Variants in DRC2 observed in about 807,000 individuals in gnomAD.
DRC2 encodes dynein regulatory complex subunit 2.
chr12:48,904,297 C>A, the DRC2 span: 1 of 1,594,534 alleles, frequency 6.3e-7, no homozygotes, highest in Admixed American at 1.8e-5. Context: ...CGGGCCGAGG[C>A]AGACCGAGGC....
At chr12:48,914,369 T>G in the DRC2 span, 38 of 1,551,922 alleles carry the variant, frequency 2.4e-5, no homozygotes, top group Non-Finnish European at 3.2e-5. Context: ...GAGATGCTAT[T>G]CAGCTGGAAT....
At chr12:48,906,065 C>T in the DRC2 span, among the ~76,000 whole-genome samples, 1 of 152,138 alleles carries the variant, frequency 6.6e-6, no homozygotes, top group Non-Finnish European at 1.5e-5. Flanking sequence ...GCCACTGCAC[C>T]CAGCCAGAGT....
the DRC2 span, among the ~76,000 whole-genome samples, chr12:48,907,875 G>A: frequency 1.3e-5 from 2 of 152,076 alleles, no homozygotes; most frequent in South Asian, 2.1e-4. Flanking sequence ...AGCATTCCCC[G>A]GATTTCTGAG....
chr12:48,909,757 G>A, the DRC2 span, among the ~76,000 whole-genome samples: 5 of 150,750 alleles, frequency 3.3e-5, no homozygotes, highest in East Asian at 5.9e-4. Flanking sequence ...GATTACAGGC[G>A]TGAGCCACCG....
chr12:48,916,113 A>C, the DRC2 span, among the ~76,000 whole-genome samples: 1 of 140,758 alleles, frequency 7.1e-6, no homozygotes, highest in Non-Finnish European at 1.5e-5. Context: ...CTCACTTTCC[A>C]GACTGGGCAG....
At chr12:48,908,131 A>G in the DRC2 span, among the ~76,000 whole-genome samples, 1 of 152,060 alleles carries the variant, frequency 6.6e-6, no homozygotes, top group African/African-American at 2.4e-5. Flanking sequence ...TAGTAGAGAC[A>G]AGGTCTCGCT....
At chr12:48,915,847 G>A in the DRC2 span, among the ~76,000 whole-genome samples, 2 of 151,546 alleles carry the variant, frequency 1.3e-5, no homozygotes, top group African/African-American at 4.8e-5. Flanking sequence ...CTCAGACGGG[G>A]CAGCTGCCGG....
At chr12:48,908,465 G>A in the DRC2 span, among the ~76,000 whole-genome samples, 1 of 151,826 alleles carries the variant, frequency 6.6e-6, no homozygotes, top group African/African-American at 2.4e-5. Flanking sequence ...CTGTCCTCCT[G>A]TAGTTGAGAC....
the DRC2 span, among the ~76,000 whole-genome samples, chr12:48,907,710 C>T: frequency 6.6e-6 from 1 of 152,186 alleles, no homozygotes; most frequent in East Asian, 1.9e-4. Context: ...TTTATCTAAC[C>T]TAACCTCTCT....
chr12:48,921,352 CA>C, the DRC2 span: 7 of 1,614,158 alleles, frequency 4.3e-6, no homozygotes, highest in South Asian at 7.7e-5. Context: ...CAGCTCAACC[CA>C]CTCTTTATAG....
the DRC2 span, among the ~76,000 whole-genome samples, chr12:48,917,522 C>T: frequency 6.6e-6 from 1 of 152,100 alleles, no homozygotes; most frequent in Non-Finnish European, 1.5e-5. Context: ...GTAGAAGAGA[C>T]CCCTTTAGCC....
the DRC2 span, chr12:48,904,178 G>T: frequency 3.4e-6 from 3 of 884,042 alleles, no homozygotes; most frequent in Non-Finnish European, 5.2e-6. Flanking sequence ...GATAGCCGGG[G>T]ATCTCTCCTG....
At chr12:48,914,581 G>A in the DRC2 span, 1 of 1,612,608 alleles carries the variant, frequency 6.2e-7, no homozygotes, top group African/African-American at 1.3e-5. Context: ...AAGGTATGGG[G>A]GCCTAAGAGA....
At chr12:48,919,782 C>T in the DRC2 span, among the ~76,000 whole-genome samples, 1 of 152,034 alleles carries the variant, frequency 6.6e-6, no homozygotes, top group Non-Finnish European at 1.5e-5. Flanking sequence ...TTCTCAAGTG[C>T]TGGGATTACA....
chr12:48,905,225 G>A, the DRC2 span: 1 of 961,238 alleles, frequency 1.0e-6, no homozygotes, highest in Non-Finnish European at 1.5e-6. Flanking sequence ...GAGAAAGCCA[G>A]GCTATTGGTA....
chr12:48,918,675 G>C, the DRC2 span: 1 of 1,612,238 alleles, frequency 6.2e-7, no homozygotes, highest in Non-Finnish European at 8.5e-7. Flanking sequence ...AATCTACTCT[G>C]TTCCTCTAGG....
the DRC2 span, among the ~76,000 whole-genome samples, chr12:48,913,925 C>CTTTTTTTTTT: frequency 1.0e-5 from 1 of 95,980 alleles, no homozygotes; most frequent in Non-Finnish European, 2.0e-5. Context: ...CGTGCCCAGT[C>CTTTTTTTTTT]TTTTTTTTTT....
At chr12:48,916,049 G>A in the DRC2 span, among the ~76,000 whole-genome samples, 29 of 150,602 alleles carry the variant, frequency 1.9e-4, no homozygotes, top group African/African-American at 6.6e-4. Context: ...GATGGCGGCC[G>A]GGAAGAGGCG....
the DRC2 span, chr12:48,914,595 T>C: frequency 1.9e-6 from 3 of 1,610,632 alleles, no homozygotes; most frequent in East Asian, 4.5e-5. Context: ...TAAGAGAAGA[T>C]GGGGAATTGA....
Sources: allele counts gnomAD v4.1 joint callset (sites outside exome capture counted in the v4.1 genomes callset), GRCh38; gene constraint gnomAD v4.1.1; transcripts MANE v1.5; gene names NCBI Gene and HGNC (gene_info 2026-07-23, HGNC 2026-07-21).